ZNF696: variants seen among roughly 807,000 people sequenced by gnomAD.
The protein encoded by ZNF696 is zinc finger protein 696.
A neutral mutation model predicts 12.3 loss-of-function variants in ZNF696; 10 were observed. That is an observed-to-expected ratio of 0.81 (90% CI 0.50 to 1.38). The LOEUF (loss-of-function observed/expected upper bound fraction) is 1.38, where lower values mean the gene tolerates loss of function less well. ZNF696 is among the 40% of genes most tolerant of loss of function. ZNF696 has a pLI of 0.00. For missense variants in ZNF696, 675 were observed against 554.7 expected, an observed-to-expected ratio of 1.22 and a Z score of -2.18; for synonymous variants, 304 against 243.9, an observed-to-expected ratio of 1.25 and a Z score of -2.29.
chr8:143,291,745 G>C lies in ZNF696; in HGVS notation c.-53G>C, dbSNP rs1241081015. The C allele has an allele frequency of 2.0e-6, 2 of 985,340 alleles. No individual in the cohort carries two copies. The highest frequency in any genetic ancestry group is 1.2e-6 in the Non-Finnish European group (1 of 829,942). 61.0% of individuals were successfully genotyped at this position (985,340 alleles called of 1,614,324 possible). A position where few individuals can be genotyped will look rare whatever the true frequency, so the allele number is the denominator to read the frequency against. On this transcript the variant is annotated 5_prime_UTR_variant, in exon 1 of 3. Transcript: ENST00000330143. ...GCTTCTTCCCAGCTGTGAACAGGAG[G>C]GCCTGTTCCCTAATTCTTGCCGGTA...
chr8:143,291,682 T>C lies in ZNF696; in HGVS notation c.-116T>C. On this transcript the variant is annotated 5_prime_UTR_variant, in exon 1 of 3. Transcript: ENST00000330143. ...TCCCCGCTGCGCGTCTTCAGGCCTTTGTAAGTTGTCAAATTTCCCACCGGC... is the reference window on the plus strand; with the variant it reads ...TCCCCGCTGCGCGTCTTCAGGCCTTCGTAAGTTGTCAAATTTCCCACCGGC... The C allele has an allele frequency of 1.0e-6, 1 of 985,498 alleles. No individual in the cohort carries two copies. The highest frequency in any genetic ancestry group is 1.2e-6 in the Non-Finnish European group (1 of 829,938). The allele number at this position is 985,498 out of a possible 1,614,324, so 61.0% of individuals were successfully genotyped here. A position where few individuals can be genotyped will look rare whatever the true frequency, so the allele number is the denominator to read the frequency against.
At chr8:143,294,908 T>G in intron 2 of ZNF696, among the ~76,000 whole-genome samples, 1 of 151,914 alleles carries the variant, frequency 6.6e-6, no homozygotes, top group East Asian at 1.9e-4. Flanking sequence ...GGGCAACACA[T>G]TGACACACTG....
chr8:143,298,517 C>CGTAA lies in ZNF696; in HGVS notation c.*1720_*1723dup, dbSNP rs962108416. Among the ~76,000 whole-genome samples the CGTAA allele has an allele frequency of 5.3e-5, 8 of 152,094 alleles. No individual in the cohort carries two copies. The highest frequency in any genetic ancestry group is 1.5e-5 in the Non-Finnish European group (1 of 68,024). ...TACCTGGCTTAGCCTCATTCCTGCT[C>CGTAA]GTAAGTCAGGCATTCAGCTTGCAAA... On this transcript the variant is annotated 3_prime_UTR_variant, in exon 3 of 3. Transcript: ENST00000330143.
chr8:143,295,817 C>T lies in ZNF696; in HGVS notation c.142C>T (p.Pro48Ser), dbSNP rs1426723853. Residue 48 changes from proline (P) to serine (S), a missense_variant, in exon 3 of 3, where the codon CCT becomes TCT. Pro to Ser is a moderately conservative substitution (Grantham distance 74). Coordinates refer to ENST00000330143, the MANE Select transcript of ZNF696 (RefSeq NM_030895.3). ...AEVQAAQSTE[P>S]AAEAGAPEGE... ...GGTGCAGGCAGCTCAGAGCACGGAG[C>T]CTGCCGCAGAGGCAGGCGCTCCCGA... 1.3e-6 allele frequency: 2 copies of T among 1,597,542 alleles called. No individual in the cohort carries two copies. Among genetic ancestry groups the T allele is most frequent in the Admixed American group, 1.7e-5 (1 of 57,318 alleles).
rs1468811782 is a variant in ZNF696, at chr8:143,295,774, T to A, written c.99T>A (p.Ser33Arg). The A allele has an allele frequency of 1.9e-6, 3 of 1,603,166 alleles. No individual in the cohort carries two copies. The highest frequency in any genetic ancestry group is 2.6e-6 in the Non-Finnish European group (3 of 1,176,370). ...CTGCTTTCCTGGCGCAGGCCCCGAG[T>A]GGCAGCCGGTCAGCCGAGGTGCAGG... ...VKAAFLAQAP[S>R]GSRSAEVQAA... The change falls in exon 3 of 3, where the codon AGT becomes AGA. Residue 33 changes from serine (S) to arginine (R), a missense_variant. Ser to Arg is a moderately radical substitution (Grantham distance 110). Transcript: ENST00000330143.
At position 143,296,565 on chromosome 8, in the gene ZNF696, A is replaced by G. The variant is rs763276765; in HGVS notation, c.890A>G (p.Asp297Gly). 2 of 1,597,816 alleles carry G rather than the reference A, an allele frequency of 1.3e-6. No homozygotes were observed. The highest frequency in any genetic ancestry group is 8.5e-7 in the Non-Finnish European group (1 of 1,176,606). The part of the protein sequence containing the change: ...HTGERPFACQ[D>G]CGRAFSRSSF... ...GGGGAGCGGCCCTTCGCCTGCCAGG[A>G]CTGCGGCCGCGCCTTCAGCCGCAGC... The change falls in exon 3 of 3, where the codon GAC becomes GGC. Residue 297 changes from aspartate (D) to glycine (G), a missense_variant. Transcript: ENST00000330143.
At position 143,291,917 on chromosome 8, in the gene ZNF696, G is replaced by T. The variant is rs1225433770; in HGVS notation, c.-31+150G>T. The T allele has an allele frequency of 7.8e-6, 3 of 383,950 alleles. No homozygotes were observed. The East Asian group carries it at 4.9e-4, about 63-fold the overall frequency. 23.8% of individuals were successfully genotyped at this position (383,950 alleles called of 1,614,324 possible). A position where few individuals can be genotyped will look rare whatever the true frequency, so the allele number is the denominator to read the frequency against. ...CTCCCGCTCAGCCTCCCTGGCAGGC[G>T]GGATTACAGGCGGCTTAAATTAAAT... On this transcript the variant is annotated intron_variant, in intron 1 of 2. Transcript: ENST00000330143.
At chr8:143,294,319 G>A (rs1041059105) in intron 2 of ZNF696, among the ~76,000 whole-genome samples, 9 of 152,108 alleles carry the variant, frequency 5.9e-5, no homozygotes, top group African/African-American at 1.4e-4. Flanking sequence ...CCTGACCAGC[G>A]CCGCCGCCGC....
chr8:143,296,206 G>GC lies in ZNF696; in HGVS notation c.531_532insC (p.Glu178ArgfsTer322). 1 of 1,595,950 alleles carries GC rather than the reference G, an allele frequency of 6.3e-7. No individual in the cohort carries two copies. Among genetic ancestry groups the GC allele is most frequent in the African/African-American group, 1.3e-5 (1 of 74,644 alleles). On this transcript the variant is annotated frameshift_variant, in exon 3 of 3. Transcript: ENST00000330143. LOFTEE classifies it high-confidence loss of function. ...TCCGGCACCAGCGGGCGCACAGCGG[G>GC]GAGAGGCCCTACGCGTGCGCCGAGT...
At position 143,296,716 on chromosome 8, in the gene ZNF696, G is replaced by A; in HGVS notation, c.1041G>A (p.Lys347=). Residue 347 remains lysine, a synonymous_variant, in exon 3 of 3, where the codon AAG becomes AAA. Coordinates refer to ENST00000330143, the MANE Select transcript of ZNF696 (RefSeq NM_030895.3). ...FRHQRLHTGE[K]PFRCTECGRA... ...ACCAGCGACTCCACACGGGCGAGAAGCCGTTCCGCTGCACCGAGTGCGGCC... is the reference window on the plus strand; with the variant it reads ...ACCAGCGACTCCACACGGGCGAGAAACCGTTCCGCTGCACCGAGTGCGGCC... 1 of 1,552,952 alleles carries A rather than the reference G, an allele frequency of 6.4e-7. No homozygotes were observed. Among genetic ancestry groups the A allele is most frequent in the African/African-American group, 1.4e-5 (1 of 72,518 alleles).
chr8:143,296,272 C>T lies in ZNF696; in HGVS notation c.597C>T (p.His199=), dbSNP rs1815711302. 6.3e-7 allele frequency: 1 copy of T among 1,599,134 alleles called. No homozygotes were observed. Among genetic ancestry groups the T allele is most frequent in the Non-Finnish European group, 8.5e-7 (1 of 1,176,282 alleles). The part of the protein sequence containing the change: ...AFGQSFNLLR[H]QRVHTGEKPY... ...GCCAGAGCTTCAACCTCCTCCGGCA[C>T]CAGCGCGTGCACACGGGCGAGAAGC... Residue 199 remains histidine, a synonymous_variant, in exon 3 of 3, where the codon CAC becomes CAT. Coordinates refer to ENST00000330143, the MANE Select transcript of ZNF696 (RefSeq NM_030895.3).
In ZNF696 at chr8:143,299,583, C is replaced by T. The variant is rs545880585; in HGVS notation, c.*2783C>T. Among the ~76,000 whole-genome samples the T allele has an allele frequency of 5.7e-4, 87 of 152,220 alleles. No homozygotes were observed. The highest frequency in any genetic ancestry group is 9.3e-4 in the Non-Finnish European group (63 of 68,010). ...AGGCAGCAGTGAGCTACGATTGTGCCGCTGCACTCCAGACTGGACAACACA... is the reference window on the plus strand; with the variant it reads ...AGGCAGCAGTGAGCTACGATTGTGCTGCTGCACTCCAGACTGGACAACACA... On this transcript the variant is annotated 3_prime_UTR_variant, in exon 3 of 3. Transcript: ENST00000330143.
At position 143,291,589 on chromosome 8, in the gene ZNF696, C is replaced by T. The variant is rs886956969; in HGVS notation, c.-209C>T. Reference sequence around the variant, plus strand: ...AGGCCCCAGCCGCTCTCGGGCGCGGCGTGGGGGAGGCGGCCCTGCAGGTGC... The same window carrying T: ...AGGCCCCAGCCGCTCTCGGGCGCGGTGTGGGGGAGGCGGCCCTGCAGGTGC... On this transcript the variant is annotated 5_prime_UTR_variant, in exon 1 of 3. Transcript: ENST00000330143. The T allele has an allele frequency of 1.5e-5, 15 of 985,442 alleles. No homozygotes were observed. In the African/African-American group the frequency reaches 2.6e-4, roughly 17 times the overall value. The allele number at this position is 985,442 out of a possible 1,614,324, so 61.0% of individuals were successfully genotyped here.
At position 143,293,048 on chromosome 8, in the gene ZNF696, T is replaced by C; in HGVS notation, c.47T>C (p.Leu16Pro). 6.2e-7 allele frequency: 1 copy of C among 1,613,988 alleles called. No homozygotes were observed. Among genetic ancestry groups the C allele is most frequent in the South Asian group, 1.1e-5 (1 of 91,040 alleles). Residue 16 changes from leucine to proline, a missense_variant, in exon 2 of 3, where the codon CTG becomes CCG. Coordinates refer to ENST00000330143, the MANE Select transcript of ZNF696 (RefSeq NM_030895.3). ...ACAGGTGCTAAAGAGAGCAGTACCC[T>C]GATGGAGTCCCTTGCAGGTGAGGGG... ...EPTGAKESST[L>P]MESLAAVKAA...
At chr8:143,291,873 C>T in intron 1 of ZNF696, 106 bp downstream of exon 1, 1 of 813,192 alleles carries the variant, frequency 1.2e-6, no homozygotes, top group Non-Finnish European at 1.5e-6. Flanking sequence ...TGGCCTCCTA[C>T]TCCTGGGCTC....
At chr8:143,293,671 A>C (rs538304626) in intron 2 of ZNF696, among the ~76,000 whole-genome samples, 36 of 144,818 alleles carry the variant, frequency 2.5e-4, no homozygotes, top group East Asian at 1.9e-4. Context: ...GATCCAGTAG[A>C]GCTCCACCAC....
At position 143,295,732 on chromosome 8, in the gene ZNF696, T is replaced by C; in HGVS notation, c.65-8T>C. ...TCTAAAATCGTTCCTGTCTGGCCTC[T>C]TTTTCAGCTGTGAAGGCTGCTTTCC... On this transcript the variant is annotated splice_region_variant and splice_polypyrimidine_tract_variant and intron_variant, in intron 2 of 2. Coordinates refer to ENST00000330143, the MANE Select transcript of ZNF696 (RefSeq NM_030895.3). 6.4e-7 allele frequency: 1 copy of C among 1,571,902 alleles called. No individual in the cohort carries two copies. The highest frequency in any genetic ancestry group is 8.6e-7 in the Non-Finnish European group (1 of 1,162,312).
Position 143,296,330 on chromosome 8 carries a change from G to A in ZNF696, c.655G>A (p.Gly219Ser), listed in dbSNP as rs201561096. The change falls in exon 3 of 3, where the codon GGC becomes AGC. Residue 219 changes from glycine to serine, a missense_variant. Coordinates refer to ENST00000330143, the MANE Select transcript of ZNF696 (RefSeq NM_030895.3). Reference protein sequence around the residue: ...YACADCGKAFGQRSDAAKHRR... With the variant: ...YACADCGKAFSQRSDAAKHRR... Reference sequence around the variant, plus strand: ...GTGCGCCGACTGCGGCAAGGCCTTCGGCCAGAGGTCGGACGCCGCCAAGCA... The same window carrying A: ...GTGCGCCGACTGCGGCAAGGCCTTCAGCCAGAGGTCGGACGCCGCCAAGCA... The A allele has an allele frequency of 2.5e-6, 4 of 1,590,644 alleles. No individual in the cohort carries two copies. The highest frequency in any genetic ancestry group is 1.1e-5 in the South Asian group (1 of 89,956).
In ZNF696 at chr8:143,299,848, C is replaced by A. The variant is rs1815773470; in HGVS notation, c.*3048C>A. Among the ~76,000 whole-genome samples, 1 of 152,018 alleles carries A rather than the reference C, an allele frequency of 6.6e-6. No individual in the cohort carries two copies. The highest frequency in any genetic ancestry group is 1.5e-5 in the Non-Finnish European group (1 of 68,010). On this transcript the variant is annotated 3_prime_UTR_variant, in exon 3 of 3. Coordinates refer to ENST00000330143, the MANE Select transcript of ZNF696 (RefSeq NM_030895.3). Reference sequence around the variant, plus strand: ...CCTATAGTTCCAGCCACCCAGGAGGCTGAGGTGGGAGGATCACCTGAGCCT... The same window carrying A: ...CCTATAGTTCCAGCCACCCAGGAGGATGAGGTGGGAGGATCACCTGAGCCT...
Sources: gnomAD v4.1 joint callset for allele counts (sites outside exome capture counted in the v4.1 genomes callset) on GRCh38, gnomAD v4.1.1 for gene constraint, MANE v1.5 for transcripts, NCBI Gene and HGNC (gene_info 2026-07-23, HGNC 2026-07-21) for gene names.